KCNC4: variants seen among roughly 807,000 people sequenced by gnomAD.
The protein encoded by KCNC4 is voltage-gated potassium channel KCNC4.
KCNC4 carries 23 observed loss-of-function variants against 42.8 expected under a neutral mutation model. The observed-to-expected ratio is 0.54, with a 90% CI of 0.39 to 0.76. The LOEUF (loss-of-function observed/expected upper bound fraction) is 0.76, where lower values mean the gene tolerates loss of function less well. Ranked by LOEUF, KCNC4 falls within the 30% of genes least tolerant of loss-of-function variation. KCNC4 has a pLI of 0.00. For missense variants in KCNC4, 751 were observed against 898.2 expected (o/e 0.84, Z 2.10); for synonymous variants, 422 against 393.5 (o/e 1.07, Z -0.86).
At chr1:110,280,150 A>G (rs1659795754) in intron 1 of KCNC4, among the ~76,000 whole-genome samples, 1 of 152,098 alleles carries the variant, frequency 6.6e-6, no homozygotes, top group Admixed American at 6.6e-5. Flanking sequence ...CCACTAGATG[A>G]TCACAATAGG....
At chr1:110,259,782 A>G (rs1412458562) in intron 1 of KCNC4, among the ~76,000 whole-genome samples, 1 of 152,224 alleles carries the variant, frequency 6.6e-6, no homozygotes, top group East Asian at 1.9e-4. Flanking sequence ...TTCTTGTTAC[A>G]TGACACAAAT....
chr1:110,268,610 G>GAAAAAAA (rs1177241176), intron 1 of KCNC4, among the ~76,000 whole-genome samples: 51 of 81,602 alleles, frequency 6.2e-4, no homozygotes, highest in African/African-American at 9.1e-4. Flanking sequence ...TGTCTCAAAA[G>GAAAAAAA]AAAAAAAAAA....
chr1:110,271,577 T>C (rs929903232), intron 1 of KCNC4, among the ~76,000 whole-genome samples: 4 of 152,212 alleles, frequency 2.6e-5, no homozygotes, highest in African/African-American at 9.6e-5. Flanking sequence ...ATACCTGCAC[T>C]TGTGTAGCCT....
intron 1 of KCNC4, among the ~76,000 whole-genome samples, chr1:110,281,432 T>C (rs1385512514): frequency 6.6e-6 from 1 of 150,514 alleles, no homozygotes; most frequent in Non-Finnish European, 1.5e-5. Context: ...CAGACATAAA[T>C]ACAGAGATGG....
At chr1:110,212,451 G>C (rs537353861) in intron 1 of KCNC4, among the ~76,000 whole-genome samples, 29 of 152,146 alleles carry the variant, frequency 1.9e-4, no homozygotes, top group Non-Finnish European at 3.8e-4. Context: ...TCCAGTGAGT[G>C]GGGTGCCCAG....
At chr1:110,267,717 T>C (rs1433000726) in intron 1 of KCNC4, among the ~76,000 whole-genome samples, 3 of 152,234 alleles carry the variant, frequency 2.0e-5, no homozygotes, top group African/African-American at 7.2e-5. Context: ...AAATCGCCTT[T>C]GCAGAATTAT....
chr1:110,217,360 T>C (rs1657854250), intron 1 of KCNC4, among the ~76,000 whole-genome samples: 1 of 152,138 alleles, frequency 6.6e-6, no homozygotes, highest in African/African-American at 2.4e-5. Flanking sequence ...ACTTAGTGCC[T>C]TAAATAATTT....
At chr1:110,229,615 G>A (rs1395090566) in intron 3 of KCNC4, among the ~76,000 whole-genome samples, 1 of 152,182 alleles carries the variant, frequency 6.6e-6, no homozygotes, top group Non-Finnish European at 1.5e-5. Flanking sequence ...GCCAGAACCG[G>A]AGACTCATCT....
intron 3 of KCNC4, among the ~76,000 whole-genome samples, chr1:110,227,823 C>A (rs1658481146): frequency 6.6e-6 from 1 of 152,118 alleles, no homozygotes; most frequent in African/African-American, 2.4e-5. Flanking sequence ...TCAGGAGGGA[C>A]CACGAGGTAC....
In KCNC4 at chr1:110,211,720, C is replaced by T. The variant is rs917167958; in HGVS notation, c.221C>T (p.Pro74Leu). Reference protein sequence around the residue: ...WLADPDGGGRPETDGGGVGSS... With the variant: ...WLADPDGGGRLETDGGGVGSS... The stretch of plus-strand genomic sequence containing the variant: ...GCCGACCCCGACGGCGGGGGCCGGC[C>T]CGAGACCGATGGCGGCGGTGTGGGT... Residue 74 changes from proline to leucine, a missense_variant, in exon 1 of 4, where the codon CCC becomes CTC. By Grantham distance (98) the Pro-to-Leu change is moderately conservative (BLOSUM62 -3). Transcript: ENST00000438661. The surrounding 1 kb of genome is among the most constrained non-coding windows in gnomAD (Gnocchi z 6.5). 6 of 1,608,652 alleles carry T rather than the reference C, an allele frequency of 3.7e-6. No homozygotes were observed. The highest frequency in any genetic ancestry group is 5.1e-6 in the Non-Finnish European group (6 of 1,177,720).
At chr1:110,240,024 G>A (rs574630776) in exon 4 of KCNC4, 4 of 136,896 alleles carry the variant, frequency 2.9e-5, no homozygotes, top group African/African-American at 1.0e-4. Context: ...GAGTAAGAAG[G>A]AAGAGTGAGA....
intron 1 of KCNC4, among the ~76,000 whole-genome samples, chr1:110,214,359 G>A (rs1181451703): frequency 6.6e-6 from 1 of 152,194 alleles, no homozygotes; most frequent in Non-Finnish European, 1.5e-5. Context: ...ATATCTGGAT[G>A]GAGCTCTGGC....
Position 110,210,451 on chromosome 1 carries a change from C to T in KCNC4, c.-1049C>T, listed in dbSNP as rs953334917. The stretch of plus-strand genomic sequence containing the variant: ...GCCGCGCGCGAGCCAAGGCCGGCGC[C>T]CCGCCCGGAGATGGGCAGACGCGTA... On this transcript the variant is annotated 5_prime_UTR_variant, in exon 1 of 4. Coordinates refer to ENST00000438661, the MANE Select transcript of KCNC4 (RefSeq NM_001039574.3). Among the ~76,000 whole-genome samples, 1 of 151,502 alleles carries T rather than the reference C, an allele frequency of 6.6e-6. No homozygotes were observed. Among genetic ancestry groups the T allele is most frequent in the Non-Finnish European group, 1.5e-5 (1 of 67,788 alleles).
At chr1:110,231,558 A>G (rs1658694818) in intron 3 of KCNC4, among the ~76,000 whole-genome samples, 1 of 152,068 alleles carries the variant, frequency 6.6e-6, no homozygotes, top group Non-Finnish European at 1.5e-5. Flanking sequence ...TCAGTAGCCC[A>G]GGCATTCTCA....
downstream of KCNC4, chr1:110,236,304 C>T (rs1232172707): frequency 6.6e-6 from 1 of 152,214 alleles, no homozygotes; most frequent in Non-Finnish European, 1.5e-5. Context: ...CAGGTCATTT[C>T]TCCAAAGTCA....
rs1006382749 is a variant in KCNC4, at chr1:110,219,015, A to G, written c.679-3949A>G. 7.2e-5 allele frequency among the ~76,000 whole-genome samples: 11 copies of G among 152,144 alleles called. No individual in the cohort carries two copies. The South Asian group carries it at 2.3e-3, about 32-fold the overall frequency. On this transcript the variant is annotated intron_variant, in intron 1 of 3. Transcript: ENST00000438661. ...GGAGCCAGTTCACCGGCAGTTTTCT[A>G]CTTGGGAAGTTTTGCCTTCCAGCAG...
chr1:110,220,823 G>C (rs1571034688), intron 1 of KCNC4: 2 of 152,178 alleles, frequency 1.3e-5, no homozygotes, highest in African/African-American at 4.8e-5. Context: ...GTATTGACTT[G>C]GCAGCCCCTT....
At chr1:110,224,484 C>G (rs1380348875) in intron 2 of KCNC4, 2 of 153,646 alleles carry the variant, frequency 1.3e-5, no homozygotes, top group Non-Finnish European at 2.9e-5. Context: ...CAGTGGGAGG[C>G]TGCCTTCTGT....
exon 4 of KCNC4, chr1:110,244,348 C>G (rs1275967669): frequency 6.6e-6 from 1 of 151,252 alleles, no homozygotes; most frequent in Non-Finnish European, 1.5e-5. Flanking sequence ...GCACTGCAGC[C>G]TGGGCAACAT....
Sources: allele counts gnomAD v4.1 joint callset (sites outside exome capture counted in the v4.1 genomes callset), GRCh38; gene constraint gnomAD v4.1.1; non-coding constraint Gnocchi (gnomAD v3.1); transcripts MANE v1.5; gene names NCBI Gene and HGNC (gene_info 2026-07-23, HGNC 2026-07-21).